The following LOC400499 variants were observed in gnomAD, a reference collection of about 807,000 sequenced individuals.
the LOC400499 span, chr16:11,372,727 C>CA: frequency 2.0e-6 from 2 of 983,646 alleles, no homozygotes; most frequent in South Asian, 9.4e-5. Context: ...CTGGCATAGA[C>CA]AAAATCTCAA....
chr16:11,477,978 GCCT>G, the LOC400499 span: 38 of 398,848 alleles, frequency 9.5e-5, no homozygotes, highest in African/African-American at 7.4e-4. Context: ...GCCAGGCTCA[GCCT>G]CCGGTTCATC....
At chr16:11,481,667 C>G in the LOC400499 span, among the ~76,000 whole-genome samples, 2 of 151,454 alleles carry the variant, frequency 1.3e-5, no homozygotes, top group Non-Finnish European at 2.9e-5. Context: ...GAGTCTTGCT[C>G]TGTCACTCAG....
chr16:11,375,126 G>A, the LOC400499 span, among the ~76,000 whole-genome samples: 4 of 149,448 alleles, frequency 2.7e-5, no homozygotes, highest in African/African-American at 5.0e-5. Context: ...GGGATTACAG[G>A]TGTGAGCCAC....
At chr16:11,524,955 T>C in the LOC400499 span, among the ~76,000 whole-genome samples, 5 of 152,142 alleles carry the variant, frequency 3.3e-5, no homozygotes, top group African/African-American at 1.2e-4. Context: ...CCTCGACTGG[T>C]CATTGCTACA....
the LOC400499 span, chr16:11,396,770 CCT>C: frequency 1.0e-6 from 1 of 980,230 alleles, no homozygotes; most frequent in Non-Finnish European, 1.3e-6. Context: ...GCAGCTGCCA[CCT>C]CCCAGCCTCC....
the LOC400499 span, among the ~76,000 whole-genome samples, chr16:11,521,652 G>A: frequency 6.6e-6 from 1 of 151,960 alleles, no homozygotes; most frequent in Admixed American, 6.6e-5. Context: ...CCACCCCTAG[G>A]GCACAGTATG....
the LOC400499 span, chr16:11,392,583 C>A: frequency 7.4e-6 from 3 of 407,296 alleles, no homozygotes; most frequent in Non-Finnish European, 8.6e-6. Flanking sequence ...CGTAGCTCCC[C>A]ACTGCCCCAG....
At chr16:11,451,876 G>A in the LOC400499 span, among the ~76,000 whole-genome samples, 3 of 152,164 alleles carry the variant, frequency 2.0e-5, no homozygotes, top group Admixed American at 6.5e-5. Flanking sequence ...AGACATTGAA[G>A]AGTGGGCAGT....
At chr16:11,492,946 G>C in the LOC400499 span, among the ~76,000 whole-genome samples, 1 of 152,184 alleles carries the variant, frequency 6.6e-6, no homozygotes, top group Non-Finnish European at 1.5e-5. Context: ...TACAGGATGT[G>C]AAAAAGAAAG....
the LOC400499 span, among the ~76,000 whole-genome samples, chr16:11,410,864 C>T: frequency 6.6e-6 from 1 of 152,258 alleles, no homozygotes; most frequent in Non-Finnish European, 1.5e-5. Context: ...TCCTACGACC[C>T]CTCAAGTCCT....
At chr16:11,499,426 C>A in the LOC400499 span, among the ~76,000 whole-genome samples, 257 of 151,994 alleles carry the variant, frequency 1.7e-3, 2 homozygotes, top group African/African-American at 5.9e-3. Flanking sequence ...GTGGTTCTGG[C>A]ATTCCTGGTG....
chr16:11,488,757 G>T, the LOC400499 span: 4 of 398,980 alleles, frequency 1.0e-5, no homozygotes, highest in Non-Finnish European at 1.8e-5. Flanking sequence ...CACATTTCTG[G>T]GTGGAACTCC....
the LOC400499 span, among the ~76,000 whole-genome samples, chr16:11,465,773 G>A: frequency 1.4e-5 from 2 of 147,152 alleles, no homozygotes; most frequent in Non-Finnish European, 3.0e-5. Context: ...GGCGGGGGGT[G>A]GGCAGAGAGG....
chr16:11,487,607 T>C, the LOC400499 span, among the ~76,000 whole-genome samples: 1 of 151,882 alleles, frequency 6.6e-6, no homozygotes, highest in Non-Finnish European at 1.5e-5. Flanking sequence ...AGAGAGGAGG[T>C]GCCCAGAGCA....
the LOC400499 span, chr16:11,491,968 C>T: frequency 4.3e-5 from 17 of 394,324 alleles, no homozygotes; most frequent in South Asian, 1.1e-3. Context: ...GCCCCTACTG[C>T]GGGAGGCTTC....
At chr16:11,525,120 TA>T in the LOC400499 span, among the ~76,000 whole-genome samples, 7 of 151,678 alleles carry the variant, frequency 4.6e-5, no homozygotes, top group Non-Finnish European at 8.8e-5. Context: ...CCCCTCTCTA[TA>T]AAAAATACAA....
the LOC400499 span, among the ~76,000 whole-genome samples, chr16:11,465,912 G>A: frequency 3.1e-4 from 47 of 151,840 alleles, no homozygotes; most frequent in African/African-American, 1.1e-3. Flanking sequence ...AAGGAAGAAA[G>A]GAAGAAAAAA....
the LOC400499 span, chr16:11,423,322 T>A: frequency 2.5e-6 from 1 of 399,008 alleles, no homozygotes; most frequent in Non-Finnish European, 4.4e-6. Context: ...CCGTCGTGGA[T>A]GCCAAGATCC....
the LOC400499 span, among the ~76,000 whole-genome samples, chr16:11,473,475 C>G: frequency 1.3e-5 from 2 of 152,122 alleles, no homozygotes; most frequent in African/African-American, 4.8e-5. Context: ...CGAAGTTTCT[C>G]ATTAAAACAG....
Sources: allele counts gnomAD v4.1 joint callset (sites outside exome capture counted in the v4.1 genomes callset), GRCh38; gene constraint gnomAD v4.1.1; transcripts MANE v1.5.